The following MED12L variants were observed in gnomAD, a reference collection of about 807,000 sequenced individuals.
MED12L encodes mediator complex subunit 12L.
MED12L carries 60 observed loss-of-function variants against 281.3 expected under a neutral mutation model. The ratio of observed to expected loss-of-function variants is 0.21; its 90% CI spans 0.17 to 0.26. The LOEUF is 0.26. MED12L is among the 10% of genes least tolerant of loss of function. The pLI is 1.00. For synonymous variants in MED12L, 974 were observed against 987.2 expected, an observed-to-expected ratio of 0.99 and a Z score of 0.25; for missense variants, 2,146 against 2,680.9, an observed-to-expected ratio of 0.80 and a Z score of 4.41.
chr3:151,347,893 A>G (rs1752724681), intron 16 of MED12L, among the ~76,000 whole-genome samples: 1 of 152,206 alleles, frequency 6.6e-6, no homozygotes, highest in Admixed American at 6.5e-5. Flanking sequence ...CAAGTGGCAC[A>G]ACCAGTATGC....
chr3:151,336,763 T>C (rs1405851899), intron 16 of MED12L: 7 of 315,214 alleles, frequency 2.2e-5, no homozygotes, highest in Admixed American at 4.6e-5. Context: ...GCATTAATTC[T>C]TAAATGGATT....
At chr3:151,244,009 A>G (rs1026730439) in intron 16 of MED12L, among the ~76,000 whole-genome samples, 1 of 133,142 alleles carries the variant, frequency 7.5e-6, no homozygotes, top group Non-Finnish European at 1.7e-5. Context: ...AAAGATCAAA[A>G]GAGACAAAGA....
Position 151,376,195 on chromosome 3 carries a change from A to C in MED12L, c.4034A>C (p.His1345Pro), listed in dbSNP as rs1756830260. The change falls in exon 28 of 45, where the codon CAC becomes CCC. Residue 1345 changes from histidine to proline, a missense_variant. By Grantham distance (77) the His-to-Pro change is moderately conservative. Coordinates refer to ENST00000687756, the MANE Select transcript of MED12L (RefSeq NM_001393769.1). ...GAGGGGGACAATCTGCAAAGACAGC[A>C]CATTAAGCGTATTCTTCAGGTCAGT... Reference protein sequence around the residue: ...CTEGDNLQRQHIKRILQNLEQ... With the variant: ...CTEGDNLQRQPIKRILQNLEQ... The C allele has an allele frequency of 6.3e-7, 1 of 1,589,310 alleles. No individual in the cohort carries two copies. The highest frequency in any genetic ancestry group is 8.5e-7 in the Non-Finnish European group (1 of 1,170,208).
intron 13 of MED12L, among the ~76,000 whole-genome samples, chr3:151,189,533 T>C (rs186087495): frequency 8.1e-4 from 123 of 152,346 alleles, no homozygotes; most frequent in African/African-American, 2.8e-3. Context: ...GTTCTCTCTT[T>C]AGGAAAAACT....
At chr3:151,328,937 G>A (rs781282890) in intron 16 of MED12L, 34 of 1,613,862 alleles carry the variant, frequency 2.1e-5, no homozygotes, top group Non-Finnish European at 2.9e-5. Context: ...TACTATCCGA[G>A]TGTCTCTGGG....
At position 151,302,713 on chromosome 3, in the gene MED12L, T is replaced by G. The variant is rs968839213; in HGVS notation, c.2251-47346T>G. Reference sequence around the variant, plus strand: ...CCTGCCCTGTGAATGGCCTCCTTTCTCCCCTCTCTCCCTACCTTGGGAATC... The same window carrying G: ...CCTGCCCTGTGAATGGCCTCCTTTCGCCCCTCTCTCCCTACCTTGGGAATC... On this transcript the variant is annotated intron_variant, in intron 16 of 44. Coordinates refer to ENST00000687756, the MANE Select transcript of MED12L (RefSeq NM_001393769.1). Among the ~76,000 whole-genome samples, 6 of 152,190 alleles carry G rather than the reference T, an allele frequency of 3.9e-5. No individual in the cohort carries two copies. In the South Asian group the frequency reaches 1.2e-3, roughly 32 times the overall value.
intron 32 of MED12L, among the ~76,000 whole-genome samples, chr3:151,380,624 A>G (rs893291826): frequency 6.6e-6 from 1 of 151,496 alleles, no homozygotes; most frequent in African/African-American, 2.4e-5. Flanking sequence ...AACAACTAGT[A>G]AGGTTACAAA....
At chr3:151,357,055 T>C (rs1754020452) in intron 19 of MED12L, among the ~76,000 whole-genome samples, 158 bp from the exon 20 acceptor site, 1 of 152,156 alleles carries the variant, frequency 6.6e-6, no homozygotes, top group African/African-American at 2.4e-5. Context: ...GAAGAACAAC[T>C]CTATAAATTG....
chr3:151,171,997 G>C (rs751094919), intron 11 of MED12L, among the ~76,000 whole-genome samples: 1 of 152,134 alleles, frequency 6.6e-6, no homozygotes, highest in Non-Finnish European at 1.5e-5. Flanking sequence ...AAAGCTACTC[G>C]GGCAGTGAAC....
At chr3:151,286,705 T>C (rs1228796380) in intron 16 of MED12L, among the ~76,000 whole-genome samples, 1 of 152,242 alleles carries the variant, frequency 6.6e-6, no homozygotes, top group African/African-American at 2.4e-5. Flanking sequence ...CTATGTATTG[T>C]GAACATAGGG....
chr3:151,087,163 G>GA, intron 2 of MED12L, 138 bp downstream of exon 2: 1 of 680,998 alleles, frequency 1.5e-6, no homozygotes, highest in Non-Finnish European at 2.3e-6. Flanking sequence ...GGGCCAGGCT[G>GA]GGGGTGCTGG....
At chr3:151,154,510 A>G (rs930446520) in intron 5 of MED12L, among the ~76,000 whole-genome samples, 6 of 152,162 alleles carry the variant, frequency 3.9e-5, no homozygotes, top group African/African-American at 1.2e-4. Context: ...CCTATATTTT[A>G]AAAAATCTTA....
At chr3:151,248,355 G>A (rs1046224022) in intron 16 of MED12L, among the ~76,000 whole-genome samples, 5 of 152,066 alleles carry the variant, frequency 3.3e-5, no homozygotes, top group African/African-American at 1.2e-4. Context: ...AGACATCACA[G>A]CTGCCTTGCA....
intron 16 of MED12L, among the ~76,000 whole-genome samples, chr3:151,348,031 C>T (rs1752742729): frequency 6.6e-6 from 1 of 152,132 alleles, no homozygotes; most frequent in Admixed American, 6.5e-5. Context: ...CTTTGGACTT[C>T]TAGGTCTGTA....
intron 16 of MED12L, chr3:151,198,987 T>C: frequency 1.2e-6 from 2 of 1,614,076 alleles, no homozygotes; most frequent in East Asian, 2.2e-5. Flanking sequence ...ACGGTTGATA[T>C]CATTTTGGCA....
At chr3:151,097,368 T>G (rs1720845999) in intron 2 of MED12L, among the ~76,000 whole-genome samples, 1 of 152,210 alleles carries the variant, frequency 6.6e-6, no homozygotes, top group Non-Finnish European at 1.5e-5. Flanking sequence ...CTATAACATA[T>G]GCATGCCAAA....
intron 16 of MED12L, among the ~76,000 whole-genome samples, chr3:151,207,260 A>G (rs1334271374): frequency 6.6e-6 from 1 of 152,158 alleles, no homozygotes; most frequent in East Asian, 1.9e-4. Context: ...ATGAAAAATT[A>G]TAACAGCAAA....
intron 4 of MED12L, among the ~76,000 whole-genome samples, chr3:151,123,396 A>G (rs1042185549): frequency 1.3e-4 from 20 of 152,336 alleles, no homozygotes; most frequent in Admixed American, 9.8e-4. Flanking sequence ...CCTACCAAGC[A>G]AGATAAAGAT....
At chr3:151,425,676 C>T (rs768025476) in intron 43 of MED12L, 11 of 456,442 alleles carry the variant, frequency 2.4e-5, no homozygotes, top group Admixed American at 4.7e-5. Flanking sequence ...GCTGGGTATT[C>T]GGTCTTGTGG....
Sources: gnomAD v4.1 joint callset for allele counts (sites outside exome capture counted in the v4.1 genomes callset) on GRCh38, gnomAD v4.1.1 for gene constraint, MANE v1.5 for transcripts, NCBI Gene and HGNC (gene_info 2026-07-23, HGNC 2026-07-21) for gene names.